Variants in NLGN4X observed in about 807,000 individuals in gnomAD.
The protein encoded by NLGN4X is neuroligin 4 X-linked.
NLGN4X carries 3 observed loss-of-function variants against 40.3 expected under a neutral mutation model. The observed-to-expected ratio is 0.07, with a 90% CI of 0.03 to 0.19. The LOEUF is 0.19. NLGN4X is among the 10% of genes least tolerant of loss of function. NLGN4X has a pLI of 1.00. For missense variants in NLGN4X, 382 were observed against 708.3 expected, an observed-to-expected ratio of 0.54 and a Z score of 5.23; for synonymous variants, 270 against 306.8, an observed-to-expected ratio of 0.88 and a Z score of 1.25.
At chrX:6,032,601 G>GA (rs2147231254) in intron 2 of NLGN4X, 2 of 559,343 alleles carry the variant, frequency 3.6e-6, no homozygotes, top group East Asian at 4.0e-5. Context: ...AATAAGGGGA[G>GA]AAAAAACAGA....
intron 1 of NLGN4X, among the ~76,000 whole-genome samples, chrX:6,212,849 T>C (rs753766157): frequency 3.6e-5 from 4 of 111,826 alleles, no homozygotes; most frequent in African/African-American, 1.3e-4. Flanking sequence ...ACAAGGAATA[T>C]AAAGTGGAAT....
At chrX:6,183,125 C>T (rs970918041) in intron 1 of NLGN4X, among the ~76,000 whole-genome samples, 2 of 112,189 alleles carry the variant, frequency 1.8e-5, no homozygotes, top group East Asian at 2.8e-4. Flanking sequence ...TTCTCTATAA[C>T]CATCTAGTGG....
At chrX:6,226,345 G>T (rs1223531862) in intron 1 of NLGN4X, among the ~76,000 whole-genome samples, 18 of 110,724 alleles carry the variant, frequency 1.6e-4, no homozygotes, top group African/African-American at 4.6e-4. Flanking sequence ...GCCTTCTGGG[G>T]AAGGGGAGGG....
chrX:6,002,649 T>C (rs2036000246), intron 3 of NLGN4X, among the ~76,000 whole-genome samples: 2 of 111,425 alleles, frequency 1.8e-5, no homozygotes, highest in Non-Finnish European at 3.8e-5. Flanking sequence ...AGAGAGCGGG[T>C]TCCCGGTAAG....
Position 5,921,391 on chromosome X carries a change from C to CAGAGAGAGAGAGAGAGAGAGAGAGAG in NLGN4X, c.626-12178_626-12153dup, listed in dbSNP as rs56879029. Among the ~76,000 whole-genome samples, 24 of 53,082 alleles carry CAGAGAGAGAGAGAGAGAGAGAGAGAG rather than the reference C, an allele frequency of 4.5e-4. 1 individual carries two copies. The highest frequency in any genetic ancestry group is 1.5e-3 in the South Asian group (1 of 689). 46.1% of individuals were successfully genotyped at this position (53,082 alleles called of 115,157 possible). ...TGACTCAGCGGCATTGAAAATGAAC[C>CAGAGAGAGAGAGAGAGAGAGAGAGAG]AGAGAGAGAGAGAGAGAGAGAGAGA... is the stretch of plus-strand genomic sequence containing the variant. On this transcript the variant is annotated intron_variant, in intron 3 of 5. Transcript: ENST00000381095.
At chrX:6,092,944 C>T (rs1009404933) in intron 2 of NLGN4X, among the ~76,000 whole-genome samples, 1 of 110,280 alleles carries the variant, frequency 9.1e-6, no homozygotes, top group South Asian at 3.8e-4. Flanking sequence ...TTTGAGAAAA[C>T]AGGAAGAATG....
chrX:5,998,803 A>G (rs2035899981), intron 3 of NLGN4X, among the ~76,000 whole-genome samples: 1 of 112,860 alleles, frequency 8.9e-6, no homozygotes, highest in Admixed American at 9.3e-5. Context: ...TACAAAATAT[A>G]AGTAGAGAAA....
chrX:6,044,106 A>AAATAAATAAATAAATAAATAAATAAAT, intron 2 of NLGN4X, among the ~76,000 whole-genome samples: 1 of 96,435 alleles, frequency 1.0e-5, no homozygotes, highest in South Asian at 5.4e-4. Flanking sequence ...GTTTCTATTA[A>AAATAAATAAATAAATAAATAAATAAAT]AAATAAATAA....
intron 2 of NLGN4X, among the ~76,000 whole-genome samples, chrX:6,145,688 G>T (rs1423927377): frequency 1.8e-5 from 2 of 111,320 alleles, no homozygotes; most frequent in Non-Finnish European, 3.8e-5. Context: ...TAAAAGAAGC[G>T]AATACATTTT....
intron 2 of NLGN4X, among the ~76,000 whole-genome samples, chrX:6,062,579 T>C (rs1008107070): frequency 4.5e-5 from 5 of 111,394 alleles, no homozygotes; most frequent in African/African-American, 1.6e-4. Flanking sequence ...CTGCTTGATA[T>C]GGTTTGGCTG....
intron 2 of NLGN4X, among the ~76,000 whole-genome samples, chrX:6,070,626 G>A (rs1376873000): frequency 2.7e-5 from 3 of 111,942 alleles, no homozygotes; most frequent in Non-Finnish European, 5.6e-5. Flanking sequence ...GATGGCATGT[G>A]CCTGTAGTCC....
intron 1 of NLGN4X, among the ~76,000 whole-genome samples, chrX:6,223,106 C>T (rs1317265629): frequency 9.1e-5 from 10 of 110,407 alleles, no homozygotes; most frequent in African/African-American, 3.3e-4. Context: ...ATACATGATG[C>T]AGACCTTACT....
chrX:6,121,038 A>T (rs902684139), intron 2 of NLGN4X, among the ~76,000 whole-genome samples: 3 of 111,199 alleles, frequency 2.7e-5, no homozygotes, highest in Non-Finnish European at 5.6e-5. Context: ...TTTTTAAATG[A>T]TTCACAATGA....
At chrX:6,026,330 G>T (rs2036694678) in intron 3 of NLGN4X, among the ~76,000 whole-genome samples, 1 of 111,430 alleles carries the variant, frequency 9.0e-6, no homozygotes, top group African/African-American at 3.3e-5. Flanking sequence ...GGAAGAAAAA[G>T]AACTCAAAGA....
At chrX:6,193,583 T>C (rs1318616304) in intron 1 of NLGN4X, among the ~76,000 whole-genome samples, 1 of 111,454 alleles carries the variant, frequency 9.0e-6, no homozygotes, top group East Asian at 2.8e-4. Flanking sequence ...AGCTTTCTTA[T>C]GGGTAGTTAC....
At chrX:6,088,625 T>C (rs1371685862) in intron 2 of NLGN4X, among the ~76,000 whole-genome samples, 1 of 111,971 alleles carries the variant, frequency 8.9e-6, no homozygotes, top group Non-Finnish European at 1.9e-5. Context: ...GTAAGTCTTT[T>C]ATCAATGACC....
In NLGN4X at chrX:5,937,921, C is replaced by T. The variant is rs149644899; in HGVS notation, c.626-28682G>A. On this transcript the variant is annotated intron_variant, in intron 3 of 5. Coordinates refer to ENST00000381095, the MANE Select transcript of NLGN4X (RefSeq NM_181332.3). ...CCCAAAAATACGTTGGAGATTTTGT[C>T]CAAGTCTGTGGTGTCCATAGTGGCT... Among the ~76,000 whole-genome samples the T allele has an allele frequency of 4.5e-3, 509 of 112,038 alleles. 3 individuals are homozygous for T. The highest frequency in any genetic ancestry group is 0.019 in the Middle Eastern group (4 of 216).
intron 1 of NLGN4X, among the ~76,000 whole-genome samples, chrX:6,168,426 T>C (rs1045001212): frequency 1.8e-5 from 2 of 112,634 alleles, no homozygotes; most frequent in Admixed American, 1.9e-4. Flanking sequence ...TTGCATCTAT[T>C]ATGTTTATGC....
At position 5,955,388 on chromosome X, in the gene NLGN4X, G is replaced by T. The variant is rs374793444; in HGVS notation, c.626-46149C>A. ...TGAAAGCTTTCGTTTTATTTAAAAC[G>T]TATCTGACCATAAAAAGAAATATAT... On this transcript the variant is annotated intron_variant, in intron 3 of 5. Transcript: ENST00000381095. 1.1e-4 allele frequency among the ~76,000 whole-genome samples: 12 copies of T among 111,975 alleles called. No homozygotes were observed. The South Asian group carries it at 4.4e-3, about 41-fold the overall frequency.
Sources: gnomAD v4.1 joint callset for allele counts (sites outside exome capture counted in the v4.1 genomes callset) on GRCh38, gnomAD v4.1.1 for gene constraint, MANE v1.5 for transcripts, NCBI Gene and HGNC (gene_info 2026-07-23, HGNC 2026-07-21) for gene names.